LRRC4C: variants seen among roughly 807,000 people sequenced by gnomAD.
The protein encoded by LRRC4C is leucine rich repeat containing 4C, also known as leucine-rich repeat-containing protein 4C.
Under a neutral mutation model 33.6 loss-of-function variants are expected in LRRC4C, and 5 were observed. The ratio of observed to expected loss-of-function variants is 0.15; its 90% CI spans 0.08 to 0.31. LRRC4C has a LOEUF of 0.31. LRRC4C is among the 10% of genes least tolerant of loss of function. LRRC4C has a pLI of 1.00. For synonymous variants in LRRC4C, 329 were observed against 302.0 expected, an observed-to-expected ratio of 1.09 and a Z score of -0.93; for missense variants, 560 against 796.7, an observed-to-expected ratio of 0.70 and a Z score of 3.58.
At chr11:40,899,098 G>GAA (rs374704933) in intron 2 of LRRC4C, among the ~76,000 whole-genome samples, 11,898 of 148,936 alleles carry the variant, frequency 0.08, 695 homozygotes, top group African/African-American at 0.15. Context: ...TGGTCATTTT[G>GAA]AAAAAAAAAA....
At chr11:41,010,944 G>A (rs1051368889) in intron 1 of LRRC4C, among the ~76,000 whole-genome samples, 1 of 152,144 alleles carries the variant, frequency 6.6e-6, no homozygotes, top group Admixed American at 6.6e-5. Flanking sequence ...CCAAAGGAAG[G>A]TCTCATAAAA....
chr11:41,061,799 C>A (rs1048179494), intron 1 of LRRC4C, among the ~76,000 whole-genome samples: 2 of 152,004 alleles, frequency 1.3e-5, no homozygotes, highest in African/African-American at 4.8e-5. Flanking sequence ...TTAGAATTGA[C>A]AAGCCCAAAT....
chr11:41,241,107 A>G (rs539189837), intron 1 of LRRC4C, among the ~76,000 whole-genome samples: 1 of 152,286 alleles, frequency 6.6e-6, no homozygotes, highest in South Asian at 2.1e-4. Context: ...GTTAGTGGTG[A>G]GACCAACTAC....
chr11:40,381,631 G>T (rs1441011310), intron 3 of LRRC4C, among the ~76,000 whole-genome samples: 4 of 151,980 alleles, frequency 2.6e-5, no homozygotes, highest in Admixed American at 6.6e-5. Flanking sequence ...TGCTGTATAC[G>T]GGGTAAGTTG....
intron 1 of LRRC4C, among the ~76,000 whole-genome samples, chr11:41,191,841 C>T (rs2136214549): frequency 6.6e-6 from 1 of 152,218 alleles, no homozygotes; most frequent in African/African-American, 2.4e-5. Context: ...GTCTGGGGCA[C>T]AGATCCTAAC....
chr11:40,540,644 A>T (rs1956669101), intron 3 of LRRC4C, among the ~76,000 whole-genome samples: 1 of 152,018 alleles, frequency 6.6e-6, no homozygotes, highest in East Asian at 1.9e-4. Context: ...TTCAGTCCTT[A>T]CTATTTAGGA....
intron 5 of LRRC4C, among the ~76,000 whole-genome samples, chr11:40,204,917 T>C (rs1002542722): frequency 3.9e-5 from 6 of 152,238 alleles, no homozygotes; most frequent in African/African-American, 1.2e-4. Context: ...TCTTCTTGGG[T>C]ATTCATTCTT....
chr11:40,736,476 G>C (rs573985904), intron 2 of LRRC4C, among the ~76,000 whole-genome samples: 1 of 152,116 alleles, frequency 6.6e-6, no homozygotes, highest in South Asian at 2.1e-4. Context: ...ATAAACATAC[G>C]TGTGCATGTG....
chr11:40,267,129 T>G (rs1445806377), intron 4 of LRRC4C, among the ~76,000 whole-genome samples: 1 of 152,146 alleles, frequency 6.6e-6, no homozygotes, highest in Non-Finnish European at 1.5e-5. Flanking sequence ...ATCACTAGTT[T>G]TGTGTCCTCA....
chr11:40,120,917 C>T (rs1447489052), intron 6 of LRRC4C, among the ~76,000 whole-genome samples: 1 of 152,186 alleles, frequency 6.6e-6, no homozygotes, highest in Non-Finnish European at 1.5e-5. Context: ...CTATACCTTA[C>T]TTTCCCCATC....
Position 40,114,876 on chromosome 11 carries a change from C to T in LRRC4C, c.1417G>A (p.Asp473Asn). The T allele has an allele frequency of 3.7e-6, 6 of 1,614,158 alleles. No homozygotes were observed. Among genetic ancestry groups the T allele is most frequent in the Non-Finnish European group, 4.2e-6 (5 of 1,180,032 alleles). ...EPSQDEARTT[D>N]NNVGPTPVVD... ...ACTGGAGTGGGACCCACATTGTTAT[C>T]TGTGGTCCGTGCCTCATCCTGAGAC... The change falls in exon 7 of 7, where the codon GAT becomes AAT. Residue 473 changes from aspartate (D) to asparagine (N), a missense_variant. This residue lies in a region of LRRC4C where 455 missense variants were observed against 643.8 expected (regional missense o/e 0.71). Transcript: ENST00000528697.
intron 1 of LRRC4C, among the ~76,000 whole-genome samples, chr11:41,083,940 G>C (rs571435303): frequency 5.3e-4 from 80 of 152,316 alleles, no homozygotes; most frequent in African/African-American, 1.9e-3. Context: ...TTTGATATTT[G>C]CAAGATTGTA....
intron 5 of LRRC4C, among the ~76,000 whole-genome samples, chr11:40,191,895 A>C (rs533161791): frequency 9.2e-5 from 14 of 152,134 alleles, no homozygotes; most frequent in Non-Finnish European, 1.8e-4. Context: ...AAGAGGTCAA[A>C]GCTACAGTGA....
intron 3 of LRRC4C, among the ~76,000 whole-genome samples, chr11:40,485,872 C>T (rs1953835691): frequency 6.6e-6 from 1 of 151,776 alleles, no homozygotes; most frequent in Non-Finnish European, 1.5e-5. Context: ...GAGCCATTAT[C>T]CTAAGCAAAC....
chr11:40,770,188 G>A (rs60003862), intron 2 of LRRC4C, among the ~76,000 whole-genome samples: 7,710 of 152,264 alleles, frequency 0.051, 258 homozygotes, highest in African/African-American at 0.092. Context: ...TTGACTTGCA[G>A]TTTCACATGT....
chr11:40,387,237 A>G (rs974728681), intron 3 of LRRC4C, among the ~76,000 whole-genome samples: 6 of 152,194 alleles, frequency 3.9e-5, no homozygotes, highest in Non-Finnish European at 5.9e-5. Flanking sequence ...CATTAATATT[A>G]CTTAAAAAGA....
chr11:41,311,774 G>T (rs192844855), intron 1 of LRRC4C, among the ~76,000 whole-genome samples: 263 of 152,240 alleles, frequency 1.7e-3, no homozygotes, highest in African/African-American at 6.2e-3. Flanking sequence ...GTAAGATAAA[G>T]CTATAAGATT....
At chr11:41,159,707 G>A (rs1944383319) in intron 1 of LRRC4C, among the ~76,000 whole-genome samples, 1 of 152,014 alleles carries the variant, frequency 6.6e-6, no homozygotes, top group Non-Finnish European at 1.5e-5. Flanking sequence ...TTACATATGA[G>A]AAAACTGATG....
At chr11:41,030,805 CATACACACACATATATAT>C (rs1423435506) in intron 1 of LRRC4C, among the ~76,000 whole-genome samples, 1 of 151,766 alleles carries the variant, frequency 6.6e-6, no homozygotes, top group Non-Finnish European at 1.5e-5. Context: ...TATACACACA[CATACACACACATATATAT>C]ATACACATAC....
Sources: allele counts gnomAD v4.1 joint callset (sites outside exome capture counted in the v4.1 genomes callset), GRCh38; gene constraint gnomAD v4.1.1; regional missense constraint gnomAD v4.1.1; transcripts MANE v1.5; gene names NCBI Gene and HGNC (gene_info 2026-07-23, HGNC 2026-07-21).